Variants in FAAH2 observed in about 807,000 individuals in gnomAD.
FAAH2 encodes the protein fatty acid amide hydrolase 2.
A neutral mutation model predicts 36.9 loss-of-function variants in FAAH2; 60 were observed. That is an observed-to-expected ratio of 1.63 (90% CI 1.32 to 2.02). FAAH2 has a LOEUF of 2.02. Ranked by LOEUF, FAAH2 falls within the 30% of genes most tolerant of loss-of-function variation. The pLI is 0.00. For synonymous variants in FAAH2, 214 were observed against 143.8 expected, an observed-to-expected ratio of 1.49 and a Z score of -3.49; for missense variants, 689 against 397.5, an observed-to-expected ratio of 1.73 and a Z score of -6.23.
At chrX:57,229,116 A>T in the FAAH2 span, 2 of 111,268 alleles carry the variant, frequency 1.8e-5, no homozygotes, top group African/African-American at 6.6e-5. Flanking sequence ...AAAAAATAGA[A>T]TTCTGCTCAC....
At chrX:57,413,388 T>G (rs1388966540) in intron 7 of FAAH2, among the ~76,000 whole-genome samples, 2 of 112,156 alleles carry the variant, frequency 1.8e-5, no homozygotes, top group Non-Finnish European at 3.8e-5. Flanking sequence ...CCATCTTGAG[T>G]TAATTTTTGT....
rs1043462419 is a variant in FAAH2 at position 57,339,432 on chromosome X, A to T, written c.623-1839A>T. Among the ~76,000 whole-genome samples, 3 of 112,286 alleles carry T rather than the reference A, an allele frequency of 2.7e-5. No individual in the cohort carries two copies. In the South Asian group the frequency reaches 1.1e-3, roughly 41 times the overall value. Reference sequence around the variant, plus strand: ...GACCAATGGAATCTAGTTAACTAACAAGCCTCTGCAAAGCAAAATAAACTA... The same window carrying T: ...GACCAATGGAATCTAGTTAACTAACTAGCCTCTGCAAAGCAAAATAAACTA... On this transcript the variant is annotated intron_variant, in intron 4 of 10. Coordinates refer to ENST00000374900, the MANE Select transcript of FAAH2 (RefSeq NM_174912.4).
At chrX:57,165,581 C>A in the FAAH2 span, among the ~76,000 whole-genome samples, 1 of 110,579 alleles carries the variant, frequency 9.0e-6, no homozygotes, top group Non-Finnish European at 1.9e-5. Context: ...GGGAGATATA[C>A]CTAATGCTAG....
the FAAH2 span, among the ~76,000 whole-genome samples, chrX:57,278,833 A>G: frequency 8.9e-6 from 1 of 112,417 alleles, no homozygotes; most frequent in African/African-American, 3.2e-5. Flanking sequence ...ACATTTATGC[A>G]GCTAAGAGGC....
intron 1 of FAAH2, among the ~76,000 whole-genome samples, chrX:57,291,245 C>A (rs1007877107): frequency 1.8e-5 from 2 of 111,751 alleles, no homozygotes; most frequent in Non-Finnish European, 3.8e-5. Context: ...GTCAACTTCT[C>A]TTTGTATTTG....
At chrX:57,236,429 A>G in the FAAH2 span, among the ~76,000 whole-genome samples, 1 of 112,218 alleles carries the variant, frequency 8.9e-6, no homozygotes, top group Admixed American at 9.4e-5. Flanking sequence ...TGTTTTCCAT[A>G]ATGGCCAGGC....
chrX:57,478,786 T>C (rs1256509783), intron 10 of FAAH2, among the ~76,000 whole-genome samples: 1 of 111,871 alleles, frequency 8.9e-6, no homozygotes, highest in East Asian at 2.8e-4. Context: ...TTGTCAAAGA[T>C]CAGATAGTGG....
intron 7 of FAAH2, among the ~76,000 whole-genome samples, chrX:57,402,876 C>G (rs2055473381): frequency 8.9e-6 from 1 of 112,065 alleles, no homozygotes; most frequent in Non-Finnish European, 1.9e-5. Flanking sequence ...TCTCTTTCCT[C>G]TGTTGTCATC....
chrX:57,249,923 A>G, the FAAH2 span, among the ~76,000 whole-genome samples: 10 of 111,971 alleles, frequency 8.9e-5, no homozygotes, highest in Admixed American at 8.6e-4. Context: ...TCTGGTCACA[A>G]TAAATATAAC....
chrX:57,267,623 C>G, the FAAH2 span, among the ~76,000 whole-genome samples: 1 of 112,042 alleles, frequency 8.9e-6, no homozygotes, highest in African/African-American at 3.2e-5. Flanking sequence ...TTTGCTGCAG[C>G]TGACACACCT....
chrX:57,152,258 C>T, the FAAH2 span, among the ~76,000 whole-genome samples: 7 of 112,174 alleles, frequency 6.2e-5, no homozygotes, highest in African/African-American at 9.7e-5. Context: ...CTCAGATCTC[C>T]GGCTGCGTGC....
At chrX:57,186,443 T>C in the FAAH2 span, among the ~76,000 whole-genome samples, 1 of 112,048 alleles carries the variant, frequency 8.9e-6, no homozygotes, top group South Asian at 3.7e-4. Context: ...TTTAAGTTCC[T>C]TTTAGATTCT....
intron 5 of FAAH2, among the ~76,000 whole-genome samples, chrX:57,366,100 C>G (rs1340557953): frequency 9.1e-6 from 1 of 110,036 alleles, no homozygotes; most frequent in Non-Finnish European, 1.9e-5. Flanking sequence ...AGAAGACACT[C>G]TAACTTCTAA....
intron 7 of FAAH2, among the ~76,000 whole-genome samples, chrX:57,429,179 CA>C (rs1213030938): frequency 1.5e-4 from 16 of 105,011 alleles, no homozygotes; most frequent in East Asian, 1.2e-3. Flanking sequence ...ACTAAAAATA[CA>C]AAAAAAAAAT....
intron 10 of FAAH2, among the ~76,000 whole-genome samples, chrX:57,451,718 G>A (rs774289432): frequency 1.8e-5 from 2 of 111,460 alleles, no homozygotes; most frequent in Non-Finnish European, 3.8e-5. Flanking sequence ...TTTTAATAGA[G>A]GAGTGAGAGG....
At chrX:57,339,586 G>T (rs770917326) in intron 4 of FAAH2, among the ~76,000 whole-genome samples, 2 of 111,668 alleles carry the variant, frequency 1.8e-5, no homozygotes, top group South Asian at 7.4e-4. Flanking sequence ...TAAAAAGTAG[G>T]CAAAGGACAT....
intron 10 of FAAH2, among the ~76,000 whole-genome samples, chrX:57,458,419 G>T (rs982193913): frequency 3.6e-5 from 4 of 111,348 alleles, no homozygotes; most frequent in African/African-American, 1.3e-4. Flanking sequence ...CTTGAACCCA[G>T]GAGGCAGAGG....
intron 3 of FAAH2, among the ~76,000 whole-genome samples, chrX:57,327,948 G>GT (rs1191543499): frequency 9.0e-6 from 1 of 111,245 alleles, no homozygotes; most frequent in African/African-American, 3.3e-5. Flanking sequence ...TTTTTGCTCT[G>GT]TTTTTTCCCC....
intron 10 of FAAH2, among the ~76,000 whole-genome samples, chrX:57,459,053 G>A (rs1019221498): frequency 1.8e-5 from 2 of 112,223 alleles, no homozygotes; most frequent in Non-Finnish European, 3.8e-5. Context: ...CCACTCCCAT[G>A]GAGACAAGCA....
Sources: allele counts gnomAD v4.1 joint callset (sites outside exome capture counted in the v4.1 genomes callset), GRCh38; gene constraint gnomAD v4.1.1; transcripts MANE v1.5; gene names NCBI Gene and HGNC (gene_info 2026-07-23, HGNC 2026-07-21).